The following NPLOC4 variants were observed in gnomAD, a reference collection of about 807,000 sequenced individuals.
NPLOC4 encodes the protein nuclear protein localization protein 4 homolog.
In NPLOC4, 18 loss-of-function variants were observed where a neutral mutation model predicts 80.6. The observed-to-expected ratio is 0.22, with a 90% CI of 0.15 to 0.33. The LOEUF is 0.33. NPLOC4 is among the 10% of genes least tolerant of loss of function. NPLOC4 has a pLI of 1.00. For missense variants in NPLOC4, 540 were observed against 786.1 expected (o/e 0.69, Z 3.74); for synonymous variants, 313 against 301.5 (o/e 1.04, Z -0.39).
intron 12 of NPLOC4, among the ~76,000 whole-genome samples, chr17:81,579,077 A>G (rs767729099): frequency 3.0e-4 from 45 of 152,312 alleles, no homozygotes; most frequent in Non-Finnish European, 5.7e-4. Context: ...CACACAGCAT[A>G]GACTGCATGC....
In NPLOC4 at chr17:81,559,355, G is replaced by A. The variant is rs2033769752; in HGVS notation, c.1731C>T (p.His577=). 3.1e-6 allele frequency: 5 copies of A among 1,608,198 alleles called. No homozygotes were observed. Among genetic ancestry groups the A allele is most frequent in the African/African-American group, 1.3e-5 (1 of 74,880 alleles). ...AGGCCCACATGGCTGCAGTGGCCGTGTGTGTGGAGCCCCCGACGGCGCCGT... is the reference window on the plus strand; with the variant it reads ...AGGCCCACATGGCTGCAGTGGCCGTATGTGTGGAGCCCCCGACGGCGCCGT... The part of the protein sequence containing the change: ...HEYGAVGGST[H]TATAAMWACQ... Residue 577 remains histidine (H), a synonymous_variant, in exon 17 of 17, where the codon CAC becomes CAT. Transcript: ENST00000331134.
At chr17:81,624,634 T>C (rs2035751930) in intron 2 of NPLOC4, among the ~76,000 whole-genome samples, 1 of 152,092 alleles carries the variant, frequency 6.6e-6, no homozygotes. Context: ...AGGTTCCTGC[T>C]GTCAAGCAGT....
intron 3 of NPLOC4, among the ~76,000 whole-genome samples, chr17:81,616,145 C>T (rs1177341328): frequency 1.3e-5 from 2 of 150,890 alleles, no homozygotes; most frequent in Non-Finnish European, 3.0e-5. Context: ...AGTGAAACCT[C>T]GTCTCTGCTA....
intron 1 of NPLOC4, among the ~76,000 whole-genome samples, chr17:81,636,201 C>T (rs1419851557): frequency 6.6e-6 from 1 of 152,148 alleles, no homozygotes. Flanking sequence ...GAACTCCTGA[C>T]CCCAGGTGAT....
intron 7 of NPLOC4, among the ~76,000 whole-genome samples, chr17:81,605,222 A>G (rs1238436475): frequency 1.3e-5 from 2 of 151,356 alleles, no homozygotes; most frequent in Non-Finnish European, 2.9e-5. Flanking sequence ...TGGAGCTCGC[A>G]GTGAGCTGAG....
At chr17:81,635,312 C>G (rs911175071) in intron 1 of NPLOC4, among the ~76,000 whole-genome samples, 1 of 146,730 alleles carries the variant, frequency 6.8e-6, no homozygotes, top group Non-Finnish European at 1.5e-5. Context: ...GAACTCCAGC[C>G]TGGGCGACAG....
At chr17:81,634,606 G>A (rs1408026980) in intron 1 of NPLOC4, among the ~76,000 whole-genome samples, 1 of 104,926 alleles carries the variant, frequency 9.5e-6, no homozygotes, top group Non-Finnish European at 1.9e-5. Context: ...TTTTTTTTTT[G>A]AGACAGTCTT....
intron 9 of NPLOC4, among the ~76,000 whole-genome samples, chr17:81,599,297 AT>A (rs1203661790): frequency 1.3e-5 from 2 of 152,006 alleles, no homozygotes; most frequent in Non-Finnish European, 2.9e-5. Context: ...AAAAAAAAAA[AT>A]AAAATAAAAT....
chr17:81,612,055 A>G (rs2035355947), intron 4 of NPLOC4, among the ~76,000 whole-genome samples: 1 of 152,134 alleles, frequency 6.6e-6, no homozygotes, highest in Non-Finnish European at 1.5e-5. Context: ...AAATAATCCA[A>G]GTTTGGAAAA....
At chr17:81,587,155 T>C (rs2034601419) in intron 12 of NPLOC4, among the ~76,000 whole-genome samples, 1 of 152,134 alleles carries the variant, frequency 6.6e-6, no homozygotes, top group African/African-American at 2.4e-5. Context: ...AAGCAGGTGA[T>C]ATGAGTTAGT....
chr17:81,612,370 C>T (rs953330883), intron 4 of NPLOC4, among the ~76,000 whole-genome samples: 9 of 152,264 alleles, frequency 5.9e-5, no homozygotes, highest in Non-Finnish European at 1.2e-4. Context: ...CACACGCTCT[C>T]AAAAGCTGCT....
At chr17:81,626,031 C>A (rs537738802) in intron 2 of NPLOC4, among the ~76,000 whole-genome samples, 4 of 152,016 alleles carry the variant, frequency 2.6e-5, no homozygotes, top group Admixed American at 1.3e-4. Context: ...CCCCTGTAAT[C>A]CCAGCTACTC....
chr17:81,610,344 AAC>A (rs1461479019), intron 4 of NPLOC4, 86 bp from the exon 5 acceptor site: 11 of 1,227,260 alleles, frequency 9.0e-6, no homozygotes, highest in Non-Finnish European at 1.3e-5. Flanking sequence ...GTCCTACTTT[AAC>A]AGAGTGTTTC....
At chr17:81,559,480 G>C in intron 16 of NPLOC4, 64 bp from the exon 17 acceptor site, 3 of 1,517,216 alleles carry the variant, frequency 2.0e-6, no homozygotes, top group Non-Finnish European at 2.7e-6. Context: ...CCAGAGTGTG[G>C]GCATGGGGGC....
intron 7 of NPLOC4, among the ~76,000 whole-genome samples, chr17:81,605,748 T>C (rs1346230707): frequency 6.6e-6 from 1 of 152,058 alleles, no homozygotes; most frequent in African/African-American, 2.4e-5. Flanking sequence ...TATCAATAAA[T>C]TCAAAATAAT....
intron 16 of NPLOC4, among the ~76,000 whole-genome samples, chr17:81,560,271 G>A (rs536208937): frequency 2.5e-3 from 377 of 151,898 alleles, no homozygotes; most frequent in Non-Finnish European, 4.3e-3. Flanking sequence ...TAATTAGCCA[G>A]GCGTGGTGGT....
At position 81,594,274 on chromosome 17, in the gene NPLOC4, CAAAAAAAAAAAAAA is replaced by C. The variant is rs869281063; in HGVS notation, c.1120+1828_1120+1841del. Among the ~76,000 whole-genome samples, 5 of 53,658 alleles carry C rather than the reference CAAAAAAAAAAAAAA, an allele frequency of 9.3e-5. No homozygotes were observed. In the Admixed American group the frequency reaches 1.2e-3, roughly 13 times the overall value. The allele number at this position is 53,658 out of a possible 152,430, so 35.2% of individuals were successfully genotyped here. A position where few individuals can be genotyped will look rare whatever the true frequency, so the allele number is the denominator to read the frequency against. On this transcript the variant is annotated intron_variant, in intron 11 of 16. Coordinates refer to ENST00000331134, the MANE Select transcript of NPLOC4 (RefSeq NM_017921.4). ...TGGGCGAAAGAGCGAGACTCCGTCT[CAAAAAAAAAAAAAA>C]AAAAAAAAAAAAAAAACTGACTCAA...
At chr17:81,623,060 G>GGC (rs1243048854) in intron 2 of NPLOC4, among the ~76,000 whole-genome samples, 12 of 151,840 alleles carry the variant, frequency 7.9e-5, no homozygotes, top group East Asian at 5.9e-4. Flanking sequence ...CAGGCATGGT[G>GGC]GCACATGCCT....
At chr17:81,611,884 G>A (rs572264933) in intron 4 of NPLOC4, among the ~76,000 whole-genome samples, 50 of 151,038 alleles carry the variant, frequency 3.3e-4, no homozygotes, top group Admixed American at 1.9e-3. Context: ...GGCGTGAACC[G>A]GGGGGACGCA....
Sources: gnomAD v4.1 joint callset for allele counts (sites outside exome capture counted in the v4.1 genomes callset) on GRCh38, gnomAD v4.1.1 for gene constraint, MANE v1.5 for transcripts, NCBI Gene and HGNC (gene_info 2026-07-23, HGNC 2026-07-21) for gene names.